Variants in ULK4 observed in about 807,000 individuals in gnomAD.
ULK4 encodes the protein unc-51 like kinase 4.
ULK4 carries 133 observed loss-of-function variants against 160.6 expected under a neutral mutation model. That is an observed-to-expected ratio of 0.83 (90% confidence interval 0.72 to 0.96). The LOEUF is 0.96. Among genes scored for constraint, ULK4 ranks in the 40% least tolerant of loss-of-function variants. The pLI, the probability that ULK4 is intolerant of heterozygous loss-of-function variation, is 0.00. For synonymous variants in ULK4, 534 were observed against 539.8 expected (o/e 0.99, Z 0.15); for missense variants, 1,580 against 1,499.5 (o/e 1.05, Z -0.89).
intron 22 of ULK4, among the ~76,000 whole-genome samples, chr3:41,746,451 C>A: frequency 6.7e-6 from 1 of 148,496 alleles, no homozygotes; most frequent in Non-Finnish European, 1.5e-5. Flanking sequence ...ATATACCTAA[C>A]AAAACATGCT....
chr3:41,361,741 T>C (rs1164991064), intron 35 of ULK4, among the ~76,000 whole-genome samples: 1 of 152,216 alleles, frequency 6.6e-6, no homozygotes, highest in Non-Finnish European at 1.5e-5. Context: ...TTCATAATAA[T>C]AAAATGGAGC....
intron 35 of ULK4, among the ~76,000 whole-genome samples, chr3:41,328,901 A>C (rs1000611629): frequency 6.6e-6 from 1 of 152,098 alleles, no homozygotes; most frequent in African/African-American, 2.4e-5. Flanking sequence ...CCTTTATTTG[A>C]TTTTTTGCTT....
chr3:41,305,375 C>G (rs2079887086), intron 35 of ULK4, among the ~76,000 whole-genome samples: 1 of 152,208 alleles, frequency 6.6e-6, no homozygotes, highest in South Asian at 2.1e-4. Flanking sequence ...CGATTGCAGG[C>G]TCGAGCCGCC....
rs937718004 is a variant in ULK4 at position 41,876,151 on chromosome 3, G to A, written c.1656+7723C>T. 4.8e-5 allele frequency among the ~76,000 whole-genome samples: 7 copies of A among 146,814 alleles called. No homozygotes were observed. The South Asian group carries it at 6.3e-4, about 13-fold the overall frequency. On this transcript the variant is annotated intron_variant, in intron 17 of 36. Transcript: ENST00000301831. ...ACTCTCCAAGAATCAATGTAATGTG[G>A]CAAGAAAAAATAGAGGAACAATTCT...
In ULK4 at chr3:41,639,243, C is replaced by T. The variant is rs144212123; in HGVS notation, c.3072-23526G>A. The stretch of plus-strand genomic sequence containing the variant: ...ATAACCACATAAACACAAAATATAA[C>T]GACACCATAGAAATTCTTTGTTGCA... On this transcript the variant is annotated intron_variant, in intron 30 of 36. Coordinates refer to ENST00000301831, the MANE Select transcript of ULK4 (RefSeq NM_017886.4). 5.3e-3 allele frequency among the ~76,000 whole-genome samples: 810 copies of T among 152,250 alleles called. 5 individuals carry two copies. The highest frequency in any genetic ancestry group is 0.019 in the African/African-American group (772 of 41,538).
chr3:41,348,006 G>A (rs1014866911), intron 35 of ULK4, among the ~76,000 whole-genome samples: 5 of 151,738 alleles, frequency 3.3e-5, no homozygotes, highest in Admixed American at 6.6e-5. Flanking sequence ...TCAGGAGTTC[G>A]AGACCATCCT....
intron 27 of ULK4, among the ~76,000 whole-genome samples, chr3:41,688,532 T>C (rs2036175625): frequency 1.3e-5 from 2 of 152,234 alleles, no homozygotes; most frequent in Admixed American, 1.3e-4. Flanking sequence ...TTTGTATAAA[T>C]AAGGTATTTT....
chr3:41,871,761 T>C (rs1344146387), intron 17 of ULK4, among the ~76,000 whole-genome samples: 1 of 152,232 alleles, frequency 6.6e-6, no homozygotes, highest in Non-Finnish European at 1.5e-5. Context: ...TTGTAAATAT[T>C]TTCTCCATGT....
In ULK4 at chr3:41,254,743, G is replaced by A. The variant is rs182973967; in HGVS notation, c.3679-5169C>T. Among the ~76,000 whole-genome samples, 487 of 151,972 alleles carry A rather than the reference G, an allele frequency of 3.2e-3. 2 individuals carry two copies. Among genetic ancestry groups the A allele is most frequent in the Non-Finnish European group, 5.6e-3 (380 of 67,932 alleles). ...CTAAAAATAGAAAAATTAGCCAGGC[G>A]TGGTGGAGGGTGCTTGTAAATCCCA... On this transcript the variant is annotated intron_variant, in intron 35 of 36. Coordinates refer to ENST00000301831, the MANE Select transcript of ULK4 (RefSeq NM_017886.4).
intron 12 of ULK4, among the ~76,000 whole-genome samples, chr3:41,901,700 G>C (rs1301428073): frequency 1.3e-5 from 2 of 148,242 alleles, no homozygotes; most frequent in African/African-American, 5.0e-5. Flanking sequence ...GGCTGGTCTC[G>C]AACTCCTGGT....
chr3:41,773,754 G>T (rs541777225), intron 21 of ULK4, among the ~76,000 whole-genome samples: 94 of 152,180 alleles, frequency 6.2e-4, no homozygotes, highest in East Asian at 3.3e-3. Context: ...AAAAGAGCCG[G>T]CATTGCCAAG....
At chr3:41,925,468 C>T (rs1356576590) in intron 5 of ULK4, among the ~76,000 whole-genome samples, 2 of 152,220 alleles carry the variant, frequency 1.3e-5, no homozygotes, top group African/African-American at 4.8e-5. Flanking sequence ...AAGCACAAAA[C>T]TGGGTGGCCG....
chr3:41,466,970 A>G (rs1374336797), intron 32 of ULK4, among the ~76,000 whole-genome samples: 1 of 152,204 alleles, frequency 6.6e-6, no homozygotes, highest in Non-Finnish European at 1.5e-5. Flanking sequence ...CACTATCATC[A>G]GGGAAATGCA....
At chr3:41,617,842 T>C (rs1317300492) in intron 30 of ULK4, among the ~76,000 whole-genome samples, 1 of 152,166 alleles carries the variant, frequency 6.6e-6, no homozygotes, top group Non-Finnish European at 1.5e-5. Context: ...AAGCAGCATG[T>C]TCTAACCCAA....
At chr3:41,715,353 T>TAA (rs543119516) in intron 24 of ULK4, 60 bp from the exon 25 acceptor site, 11 of 1,301,360 alleles carry the variant, frequency 8.5e-6, no homozygotes, top group African/African-American at 4.5e-5. Context: ...GTTAGCTCAA[T>TAA]AAAAAAAAAA....
chr3:41,436,981 G>C (rs1303112960), intron 34 of ULK4, among the ~76,000 whole-genome samples: 1 of 152,180 alleles, frequency 6.6e-6, no homozygotes, highest in Non-Finnish European at 1.5e-5. Flanking sequence ...AAGTGGAAAA[G>C]CAACATACCT....
At chr3:41,789,946 C>A in intron 20 of ULK4, 103 bp from the exon 21 acceptor site, 1 of 1,086,468 alleles carries the variant, frequency 9.2e-7, no homozygotes, top group Non-Finnish European at 1.2e-6. Context: ...AAGGTGCTTA[C>A]TTGGCTCTTT....
intron 19 of ULK4, among the ~76,000 whole-genome samples, chr3:41,806,813 C>A (rs2040657109): frequency 6.6e-6 from 1 of 152,124 alleles, no homozygotes. Flanking sequence ...AATTTCTGCT[C>A]ATAATGACAC....
intron 34 of ULK4, among the ~76,000 whole-genome samples, chr3:41,414,826 G>A (rs1241249771): frequency 3.3e-5 from 5 of 152,156 alleles, no homozygotes; most frequent in African/African-American, 4.8e-5. Flanking sequence ...GCAGGGCCTT[G>A]ACACCGTCCC....
Sources: allele counts gnomAD v4.1 joint callset (sites outside exome capture counted in the v4.1 genomes callset), GRCh38; gene constraint gnomAD v4.1.1; transcripts MANE v1.5; gene names NCBI Gene and HGNC (gene_info 2026-07-23, HGNC 2026-07-21).